The following PSMB3 variants were observed in gnomAD, a reference collection of about 807,000 sequenced individuals.
PSMB3 encodes the protein proteasome 20S subunit beta 3, also known as proteasome subunit beta type-3.
PSMB3 carries 5 observed loss-of-function variants against 23.3 expected under a neutral mutation model. That is an observed-to-expected ratio of 0.21 (90% CI 0.11 to 0.45). PSMB3 has a LOEUF of 0.45. Among genes scored for constraint, PSMB3 ranks in the 20% least tolerant of loss-of-function variants. The pLI is 0.99. For synonymous variants in PSMB3, 85 were observed against 99.8 expected (o/e 0.85, Z 0.88); for missense variants, 192 against 277.9 (o/e 0.69, Z 2.20).
intron 4 of PSMB3, 157 bp from the exon 5 acceptor site, chr17:38,762,254 C>G: frequency 1.6e-6 from 1 of 633,234 alleles, no homozygotes; most frequent in Non-Finnish European, 2.8e-6. Context: ...AAGGAAGGAG[C>G]TGAGAGGGGC....
At chr17:38,754,736 T>C (rs1363917385) in intron 2 of PSMB3, among the ~76,000 whole-genome samples, 1 of 152,176 alleles carries the variant, frequency 6.6e-6, no homozygotes, top group Non-Finnish European at 1.5e-5. Context: ...CAATGACTGC[T>C]CATTTCACTA....
chr17:38,754,668 C>G lies in PSMB3; in HGVS notation c.189-1215C>G, dbSNP rs147279217. On this transcript the variant is annotated intron_variant, in intron 2 of 5. Coordinates refer to ENST00000619426, the MANE Select transcript of PSMB3 (RefSeq NM_002795.4). ...CTTCCCTTCTGCAGTCACTGCTGTTCTCACACCATTTCCTTTTCTTCAGAG... is the reference window on the plus strand; with the variant it reads ...CTTCCCTTCTGCAGTCACTGCTGTTGTCACACCATTTCCTTTTCTTCAGAG... Among the ~76,000 whole-genome samples, 8 of 152,264 alleles carry G rather than the reference C, an allele frequency of 5.3e-5. No homozygotes were observed. In the East Asian group the frequency reaches 1.5e-3, roughly 29 times the overall value.
At position 38,752,884 on chromosome 17, in the gene PSMB3, G is replaced by A; in HGVS notation, c.3+55G>A. On this transcript the variant is annotated intron_variant, in intron 1 of 5. Transcript: ENST00000619426. This position sits in a 1 kb window ranked among gnomAD's most constrained non-coding sequence, Gnocchi z 5.5. ...TGGGGAAGGATTGAGAAGCGGAGGGGGTCAGGAGAGGCTTGGGGACGAAAA... is the reference window on the plus strand; with the variant it reads ...TGGGGAAGGATTGAGAAGCGGAGGGAGTCAGGAGAGGCTTGGGGACGAAAA... 1.9e-6 allele frequency: 3 copies of A among 1,610,142 alleles called. No individual in the cohort carries two copies. In the South Asian group the frequency reaches 3.3e-5, roughly 18 times the overall value.
At chr17:38,754,971 T>G (rs1462737922) in intron 2 of PSMB3, among the ~76,000 whole-genome samples, 1 of 151,992 alleles carries the variant, frequency 6.6e-6, no homozygotes, top group Non-Finnish European at 1.5e-5. Context: ...TTCAAGTCTG[T>G]TAGCACATAG....
rs755660482 is a variant in PSMB3 at position 38,762,419 on chromosome 17, T to C, written c.483T>C (p.Asp161=). Residue 161 remains aspartate (D), a synonymous_variant, in exon 5 of 6, where the codon GAT becomes GAC. Transcript: ENST00000619426. ...ESLWEPNMDP[D]HLFETISQAM... ...TTCCACTCTGTTGGCAGGATCCGGA[T>C]CACCTGTTTGAAACCATCTCCCAAG... The C allele has an allele frequency of 1.9e-6, 3 of 1,613,930 alleles. No homozygotes were observed. The African/African-American group carries it at 4.0e-5, about 22-fold the overall frequency.
intron 4 of PSMB3, among the ~76,000 whole-genome samples, chr17:38,761,862 C>G (rs1307633776): frequency 6.6e-6 from 1 of 152,124 alleles, no homozygotes; most frequent in Non-Finnish European, 1.5e-5. Flanking sequence ...AAGACAGTGG[C>G]AGTGGGGAGG....
In PSMB3 at chr17:38,753,239, G is replaced by A. The variant is rs766622126; in HGVS notation, c.93G>A (p.Gln31=). 1.4e-5 allele frequency: 22 copies of A among 1,614,130 alleles called. No individual in the cohort carries two copies. The highest frequency in any genetic ancestry group is 1.8e-5 in the Non-Finnish European group (21 of 1,180,048). The change falls in exon 2 of 6, where the codon CAG becomes CAA. Residue 31 remains glutamine, a synonymous_variant. Coordinates refer to ENST00000619426, the MANE Select transcript of PSMB3 (RefSeq NM_002795.4). ...CTGCAGACAGGCGCTTCGGGATCCAGGCCCAGATGGTGACCACGGACTTCC... is the reference window on the plus strand; with the variant it reads ...CTGCAGACAGGCGCTTCGGGATCCAAGCCCAGATGGTGACCACGGACTTCC... ...AIAADRRFGI[Q]AQMVTTDFQK...
chr17:38,753,331 C>T lies in PSMB3; in HGVS notation c.185C>T (p.Thr62Ile), dbSNP rs761047213. Residue 62 changes from threonine to isoleucine, a missense_variant, in exon 2 of 6, where the codon ACA (threonine) becomes ATA (isoleucine). By Grantham distance (89) the Thr-to-Ile change is moderately conservative (BLOSUM62 -1). Transcript: ENST00000619426. ...GLAGLATDVQTVAQRLKFRLN... is the reference protein window; with the variant it reads ...GLAGLATDVQIVAQRLKFRLN... ...GCCGGGCTCGCCACTGACGTCCAGACAGTGTAAGTTTCAAGGGTCCCCGCC... is the reference window on the plus strand; with the variant it reads ...GCCGGGCTCGCCACTGACGTCCAGATAGTGTAAGTTTCAAGGGTCCCCGCC... The T allele has an allele frequency of 6.2e-6, 10 of 1,613,468 alleles. No individual in the cohort carries two copies. The highest frequency in any genetic ancestry group is 1.3e-5 in the African/African-American group (1 of 74,902).
intron 5 of PSMB3, among the ~76,000 whole-genome samples, chr17:38,763,127 T>A (rs1276652604): frequency 6.6e-6 from 1 of 152,030 alleles, no homozygotes. Context: ...GAGGCTGAGG[T>A]GGGCAGATCA....
chr17:38,754,497 A>G (rs1324035705), intron 2 of PSMB3, among the ~76,000 whole-genome samples: 1 of 152,176 alleles, frequency 6.6e-6, no homozygotes, highest in African/African-American at 2.4e-5. Context: ...AAAGAATAAA[A>G]GAAAATGTTC....
rs372574761 is a variant in PSMB3 at position 38,762,407 on chromosome 17, G to A, written c.475-4G>A. ...GGTTTGAAGGGGTTCCACTCTGTTG[G>A]CAGGATCCGGATCACCTGTTTGAAA... On this transcript the variant is annotated splice_region_variant and splice_polypyrimidine_tract_variant and intron_variant, in intron 4 of 5. Coordinates refer to ENST00000619426, the MANE Select transcript of PSMB3 (RefSeq NM_002795.4). 8 of 1,613,468 alleles carry A rather than the reference G, an allele frequency of 5.0e-6. No individual in the cohort carries two copies. In the African/African-American group the frequency reaches 1.1e-4, roughly 22 times the overall value.
At chr17:38,755,611 T>C (rs1035441939) in intron 2 of PSMB3, among the ~76,000 whole-genome samples, 2 of 144,336 alleles carry the variant, frequency 1.4e-5, no homozygotes, top group Admixed American at 7.3e-5. Context: ...ACTGCGCCAC[T>C]GCACTCCAGC....
chr17:38,762,155 A>G (rs1295965173), intron 4 of PSMB3: 2 of 472,030 alleles, frequency 4.2e-6, no homozygotes, highest in Non-Finnish European at 7.5e-6. Context: ...GAGACATACT[A>G]TTTGCCCAAT....
chr17:38,759,966 G>C (rs936735146), intron 3 of PSMB3, among the ~76,000 whole-genome samples: 1 of 152,058 alleles, frequency 6.6e-6, no homozygotes, highest in Non-Finnish European at 1.5e-5. Context: ...CCTGCTAGGG[G>C]GCTCAAAACA....
rs146833816 is a variant in PSMB3, at chr17:38,758,240, C to T, written c.297-2191C>T. On this transcript the variant is annotated intron_variant, in intron 3 of 5. Transcript: ENST00000619426. ...CAGATGGGCTCATAGAGGAAGCTCC[C>T]GTCAATAGTAGCTAAGAATCCAGAA... 1.3e-4 allele frequency among the ~76,000 whole-genome samples: 20 copies of T among 152,162 alleles called. No homozygotes were observed. The East Asian group carries it at 3.5e-3, about 26-fold the overall frequency.
At chr17:38,758,671 A>G (rs1598032649) in intron 3 of PSMB3, among the ~76,000 whole-genome samples, 1 of 152,188 alleles carries the variant, frequency 6.6e-6, no homozygotes, top group African/African-American at 2.4e-5. Flanking sequence ...ATGGTGGCTC[A>G]TGCCTGTAAT....
Position 38,760,627 on chromosome 17 carries a change from G to A in PSMB3, c.474+19G>A, listed in dbSNP as rs1908395757. On this transcript the variant is annotated intron_variant, in intron 4 of 5. Coordinates refer to ENST00000619426, the MANE Select transcript of PSMB3 (RefSeq NM_002795.4). Reference sequence around the variant, plus strand: ...CAACATGGTACGTTGGTGGCATGGAGAGGGGCTGGGCTCTGAGTTACCCAC... The same window carrying A: ...CAACATGGTACGTTGGTGGCATGGAAAGGGGCTGGGCTCTGAGTTACCCAC... 2 of 1,614,128 alleles carry A rather than the reference G, an allele frequency of 1.2e-6. No homozygotes were observed. The highest frequency in any genetic ancestry group is 1.3e-5 in the African/African-American group (1 of 75,082).
In PSMB3 at chr17:38,752,811, C is replaced by T; in HGVS notation, c.-16C>T. On this transcript the variant is annotated 5_prime_UTR_variant, in exon 1 of 6. Coordinates refer to ENST00000619426, the MANE Select transcript of PSMB3 (RefSeq NM_002795.4). The surrounding 1 kb of genome is among the most constrained non-coding windows in gnomAD (Gnocchi z 5.5). ...GAATTGCTCTGGCGATCGAGGGATC[C>T]TAGTACACCGCAATCATGGTGAGAT... 2 of 1,614,022 alleles carry T rather than the reference C, an allele frequency of 1.2e-6. No homozygotes were observed. The highest frequency in any genetic ancestry group is 1.7e-6 in the Non-Finnish European group (2 of 1,179,990).
intron 4 of PSMB3, among the ~76,000 whole-genome samples, chr17:38,761,244 C>T (rs1234672689): frequency 1.3e-5 from 2 of 149,828 alleles, no homozygotes; most frequent in Non-Finnish European, 3.0e-5. Context: ...CCCAGCTACT[C>T]GGGAGGCTGA....
Sources: allele counts gnomAD v4.1 joint callset (sites outside exome capture counted in the v4.1 genomes callset), GRCh38; gene constraint gnomAD v4.1.1; non-coding constraint Gnocchi (gnomAD v3.1); transcripts MANE v1.5; gene names NCBI Gene and HGNC (gene_info 2026-07-23, HGNC 2026-07-21).